PRDM1: variants seen among roughly 807,000 people sequenced by gnomAD.
PRDM1 encodes the protein PR/SET domain 1, also known as PR domain zinc finger protein 1.
Under a neutral mutation model 62.8 loss-of-function variants are expected in PRDM1, and 13 were observed. That is an observed-to-expected ratio of 0.21 (90% CI 0.13 to 0.33). The LOEUF is 0.33. PRDM1 is among the 10% of genes least tolerant of loss of function. The pLI is 1.00. For synonymous variants in PRDM1, 396 were observed against 417.6 expected (o/e 0.95, Z 0.63); for missense variants, 895 against 1,058.8 (o/e 0.85, Z 2.15).
intron 1 of PRDM1, among the ~76,000 whole-genome samples, chr6:106,030,332 C>T (rs7749075): frequency 1.3e-4 from 20 of 151,890 alleles, no homozygotes; most frequent in African/African-American, 3.9e-4. Context: ...CAGCTAATTA[C>T]GAAAGATTTT....
intron 1 of PRDM1, among the ~76,000 whole-genome samples, chr6:106,070,023 T>C (rs530769504): frequency 5.9e-5 from 9 of 152,358 alleles, no homozygotes; most frequent in African/African-American, 2.2e-4. Context: ...GGTTATCTTT[T>C]CAGATTTCCT....
intron 1 of PRDM1, among the ~76,000 whole-genome samples, chr6:106,051,719 G>C (rs1423032612): frequency 6.6e-6 from 1 of 152,182 alleles, no homozygotes; most frequent in Non-Finnish European, 1.5e-5. Flanking sequence ...GCCCTTGAAG[G>C]GGGAAATGAT....
intron 1 of PRDM1, chr6:106,087,600 A>G (rs952130623): frequency 4.3e-6 from 1 of 232,460 alleles, no homozygotes; most frequent in South Asian, 1.8e-4. Context: ...CTTCCATGTG[A>G]GAGGATGAAA....
At chr6:106,005,635 G>T (rs1424227490) in intron 1 of PRDM1, among the ~76,000 whole-genome samples, 1 of 152,098 alleles carries the variant, frequency 6.6e-6, no homozygotes, top group African/African-American at 2.4e-5. Flanking sequence ...CACACATTGC[G>T]CTAGAATTAT....
intron 1 of PRDM1, among the ~76,000 whole-genome samples, chr6:106,013,078 G>T (rs1402802352): frequency 1.3e-5 from 2 of 151,990 alleles, no homozygotes; most frequent in Non-Finnish European, 2.9e-5. Context: ...ATAGAGACGG[G>T]GTTTCACCAT....
intron 1 of PRDM1, among the ~76,000 whole-genome samples, chr6:106,005,132 TTATCAA>T (rs2114545332): frequency 6.6e-6 from 1 of 152,364 alleles, no homozygotes; most frequent in African/African-American, 2.4e-5. Flanking sequence ...TAAACACCTC[TTATCAA>T]AACTTAATTT....
rs146557915 is a variant in PRDM1 at position 106,099,527 on chromosome 6, C to G, written c.639C>G (p.Pro213=). The part of the protein sequence containing the change: ...DFAERLHYPY[P]GELTMMNLTQ... The stretch of plus-strand genomic sequence containing the variant: ...CAGAAAGGCTTCACTACCCTTATCC[C>G]GGAGAGCTGACAATGATGAATCTCA... Residue 213 remains proline (P), a synonymous_variant, in exon 4 of 7, where the codon CCC becomes CCG. Coordinates refer to ENST00000369096, the MANE Select transcript of PRDM1 (RefSeq NM_001198.4). 4 of 1,613,982 alleles carry G rather than the reference C, an allele frequency of 2.5e-6. No homozygotes were observed. The highest frequency in any genetic ancestry group is 3.4e-6 in the Non-Finnish European group (4 of 1,179,996).
chr6:106,046,258 G>C (rs115764461), upstream of PRDM1: 2 of 152,208 alleles, frequency 1.3e-5, no homozygotes, highest in African/African-American at 2.4e-5. Flanking sequence ...TGGGGCTCCT[G>C]GGGGGAGGGG....
chr6:106,045,425 C>T (rs958570333), upstream of PRDM1: 35 of 152,076 alleles, frequency 2.3e-4, no homozygotes, highest in African/African-American at 8.5e-4. Context: ...GATTTTCTTC[C>T]TGGTGTCTGG....
chr6:106,059,432 C>G (rs931512079), intron 1 of PRDM1, among the ~76,000 whole-genome samples: 4 of 152,122 alleles, frequency 2.6e-5, no homozygotes, highest in Middle Eastern at 6.8e-3. Flanking sequence ...ACAAACAAAA[C>G]AAAAACCGTG....
intron 1 of PRDM1, among the ~76,000 whole-genome samples, chr6:106,074,893 G>C (rs1773578245): frequency 6.6e-6 from 1 of 152,226 alleles, no homozygotes; most frequent in African/African-American, 2.4e-5. Flanking sequence ...AGAATCGCTT[G>C]AACCTGGGAG....
chr6:106,024,965 A>C (rs1772745583), intron 1 of PRDM1, among the ~76,000 whole-genome samples: 1 of 152,168 alleles, frequency 6.6e-6, no homozygotes, highest in African/African-American at 2.4e-5. Context: ...TGAATGCCAA[A>C]TATTCACAAG....
intron 1 of PRDM1, among the ~76,000 whole-genome samples, chr6:106,037,433 T>A (rs1772936742): frequency 1.3e-5 from 2 of 152,200 alleles, no homozygotes; most frequent in Admixed American, 6.5e-5. Context: ...TTTCCTCAGA[T>A]AATCTTTCTA....
At chr6:106,038,034 T>TTTTTTTTTTTTTTTTTTTTTTTTTTTTA (rs71006667) in intron 1 of PRDM1, among the ~76,000 whole-genome samples, 1 of 133,330 alleles carries the variant, frequency 7.5e-6, no homozygotes, top group African/African-American at 2.8e-5. Context: ...TTTTTTTTTT[T>TTTTTTTTTTTTTTTTTTTTTTTTTTTTA]GAGACAGAGT....
intron 1 of PRDM1, among the ~76,000 whole-genome samples, chr6:106,073,872 A>G (rs1451685188): frequency 6.6e-6 from 1 of 152,224 alleles, no homozygotes; most frequent in East Asian, 1.9e-4. Context: ...ATATTGAAGC[A>G]TATACCCTCA....
At chr6:106,080,872 G>A (rs530964343) in intron 1 of PRDM1, among the ~76,000 whole-genome samples, 202 of 152,318 alleles carry the variant, frequency 1.3e-3, no homozygotes, top group Non-Finnish European at 2.5e-3. Context: ...GTCCTCCAGA[G>A]GTGCACCTTA....
chr6:106,080,930 G>A (rs567962165), intron 1 of PRDM1, among the ~76,000 whole-genome samples: 12 of 152,134 alleles, frequency 7.9e-5, no homozygotes, highest in South Asian at 2.1e-4. Context: ...CTGCTTCCCC[G>A]GGGTGCCTGC....
chr6:106,028,446 AC>A (rs1226027686), intron 1 of PRDM1, among the ~76,000 whole-genome samples: 3 of 152,234 alleles, frequency 2.0e-5, no homozygotes, highest in East Asian at 3.8e-4. Context: ...GTTGAAAGCA[AC>A]TTGAATATCC....
intron 1 of PRDM1, among the ~76,000 whole-genome samples, chr6:106,032,776 A>G (rs554070045): frequency 3.7e-4 from 57 of 152,346 alleles, no homozygotes; most frequent in Non-Finnish European, 7.3e-4. Flanking sequence ...GAATTAAAAT[A>G]AAATTTGAAG....
Sources: allele counts gnomAD v4.1 joint callset (sites outside exome capture counted in the v4.1 genomes callset), GRCh38; gene constraint gnomAD v4.1.1; transcripts MANE v1.5; gene names NCBI Gene and HGNC (gene_info 2026-07-23, HGNC 2026-07-21).